TBC1D4: variants seen among roughly 807,000 people sequenced by gnomAD.
The protein encoded by TBC1D4 is TBC (Tre-2, BUB2, CDC16) domain-containing protein.
TBC1D4 carries 121 observed loss-of-function variants against 142.5 expected under a neutral mutation model. The observed-to-expected ratio is 0.85, with a 90% confidence interval of 0.73 to 0.99. The LOEUF (loss-of-function observed/expected upper bound fraction) is 0.99, where lower values mean the gene tolerates loss of function less well. Among genes scored for constraint, TBC1D4 ranks in the 50% least tolerant of loss-of-function variants. The pLI is 0.00. For missense variants in TBC1D4, 1,475 were observed against 1,606.6 expected (o/e 0.92, Z 1.40); for synonymous variants, 630 against 628.2 (o/e 1.00, Z -0.04).
intron 20 of TBC1D4, 31 bp downstream of exon 20, chr13:75,288,903 T>C: frequency 6.2e-7 from 1 of 1,609,300 alleles, no homozygotes; most frequent in African/African-American, 1.3e-5. Context: ...GGCATTGAAG[T>C]ACTTATTTGC....
chr13:75,475,608 T>G (rs529560571), intron 1 of TBC1D4, among the ~76,000 whole-genome samples: 26 of 152,370 alleles, frequency 1.7e-4, no homozygotes, highest in African/African-American at 6.3e-4. Context: ...CTGACTTGAT[T>G]CTTTTACTTA....
intron 1 of TBC1D4, among the ~76,000 whole-genome samples, chr13:75,458,790 T>C (rs1206421597): frequency 1.3e-5 from 2 of 152,138 alleles, no homozygotes; most frequent in African/African-American, 2.4e-5. Context: ...CTACTAGACA[T>C]AGGAGTTAGC....
At position 75,469,406 on chromosome 13, in the gene TBC1D4, T is replaced by C. The variant is rs537803272; in HGVS notation, c.498+11864A>G. The stretch of plus-strand genomic sequence containing the variant: ...GGAGAAGAGGTGAGAGGCAGTATGA[T>C]AGTCCCAGCAAAAGATAAGGTAGTG... On this transcript the variant is annotated intron_variant, in intron 1 of 20. Coordinates refer to ENST00000377636, the MANE Select transcript of TBC1D4 (RefSeq NM_014832.5). Among the ~76,000 whole-genome samples the C allele has an allele frequency of 2.4e-4, 37 of 152,210 alleles. 1 individual carries two copies. In the South Asian group the frequency reaches 7.5e-3, roughly 31 times the overall value.
chr13:75,306,485 C>A lies in TBC1D4; in HGVS notation c.2594-14G>T. 1.2e-6 allele frequency: 2 copies of A among 1,612,022 alleles called. No homozygotes were observed. Among genetic ancestry groups the A allele is most frequent in the African/African-American group, 1.3e-5 (1 of 74,980 alleles). On this transcript the variant is annotated splice_polypyrimidine_tract_variant and intron_variant, in intron 14 of 20. Transcript: ENST00000377636. ...CATCTCTGCTTGCTAAGGAAAAAAA[C>A]AATTTACGTAAGACCAATGTGTTTT...
intron 1 of TBC1D4, among the ~76,000 whole-genome samples, chr13:75,378,066 C>T (rs535085324): frequency 9.9e-5 from 15 of 152,138 alleles, no homozygotes; most frequent in Non-Finnish European, 2.1e-4. Context: ...AGTACTATGG[C>T]TATATGTGGC....
chr13:75,460,929 A>C (rs749879158), intron 1 of TBC1D4, among the ~76,000 whole-genome samples: 79 of 152,296 alleles, frequency 5.2e-4, no homozygotes, highest in Non-Finnish European at 6.6e-4. Context: ...CTTCAAAAAA[A>C]CAACAAAAAA....
intron 5 of TBC1D4, among the ~76,000 whole-genome samples, 158 bp from the exon 6 acceptor site, chr13:75,341,745 T>C (rs1240124893): frequency 1.3e-5 from 2 of 152,182 alleles, no homozygotes; most frequent in African/African-American, 2.4e-5. Context: ...GAATACTACA[T>C]TGAAATGATT....
intron 1 of TBC1D4, among the ~76,000 whole-genome samples, chr13:75,406,716 A>C (rs1456905344): frequency 6.6e-6 from 1 of 152,168 alleles, no homozygotes; most frequent in East Asian, 1.9e-4. Flanking sequence ...GAGAAAAGAG[A>C]GCTCAGGAAA....
intron 1 of TBC1D4, among the ~76,000 whole-genome samples, chr13:75,385,688 G>C (rs989941739): frequency 1.3e-5 from 2 of 152,136 alleles, no homozygotes; most frequent in African/African-American, 4.8e-5. Flanking sequence ...CTTACGTGCT[G>C]GGCACTGTTC....
intron 3 of TBC1D4, among the ~76,000 whole-genome samples, chr13:75,358,300 G>A (rs536566411): frequency 3.3e-5 from 5 of 152,238 alleles, no homozygotes; most frequent in African/African-American, 1.2e-4. Flanking sequence ...CAGCACTTAC[G>A]ATCTCCCAGG....
intron 18 of TBC1D4, among the ~76,000 whole-genome samples, chr13:75,293,792 T>C (rs1290384581): frequency 1.3e-5 from 2 of 152,202 alleles, no homozygotes; most frequent in African/African-American, 4.8e-5. Flanking sequence ...GGTATATATA[T>C]ACATTACACA....
At chr13:75,468,544 C>G (rs1888262936) in intron 1 of TBC1D4, among the ~76,000 whole-genome samples, 1 of 151,252 alleles carries the variant, frequency 6.6e-6, no homozygotes, top group Non-Finnish European at 1.5e-5. Context: ...AAAAAAAAAG[C>G]CCTTCTCAAA....
intron 19 of TBC1D4, among the ~76,000 whole-genome samples, chr13:75,291,262 A>ATCAG (rs1395361754): frequency 7.0e-4 from 106 of 152,224 alleles, no homozygotes; most frequent in African/African-American, 2.4e-3. Context: ...GGGGCAGGAG[A>ATCAG]AAAGGGTTGG....
Position 75,292,198 on chromosome 13 carries a change from A to G in TBC1D4, c.3390T>C (p.Leu1130=). The stretch of plus-strand genomic sequence containing the variant: ...TTTCAAAGCTCTCACATTCCATTAT[A>G]AGTGTCTCTTGGCTGCTCAGTAGGC... ...ALSLLSSQET[L]IMECESFENI... Residue 1130 remains leucine, a synonymous_variant, in exon 19 of 21, where the codon CTT becomes CTC. Coordinates refer to ENST00000377636, the MANE Select transcript of TBC1D4 (RefSeq NM_014832.5). The G allele has an allele frequency of 6.2e-7, 1 of 1,613,504 alleles. No homozygotes were observed. The highest frequency in any genetic ancestry group is 8.5e-7 in the Non-Finnish European group (1 of 1,179,666).
intron 8 of TBC1D4, among the ~76,000 whole-genome samples, chr13:75,328,664 G>T (rs545253479): frequency 4.6e-5 from 7 of 152,112 alleles, no homozygotes; most frequent in African/African-American, 1.7e-4. Context: ...AGCATGTGGC[G>T]AAGTTCTAAA....
In TBC1D4 at chr13:75,339,744, GT is replaced by G. The variant is rs552774444; in HGVS notation, c.1611+1380del. On this transcript the variant is annotated intron_variant, in intron 7 of 20. Transcript: ENST00000377636. ...GCACACACCACCACACCGGCTAATT[GT>G]TTTTGTATTTTTAGTAGAGACGGGG... 3.5e-3 allele frequency among the ~76,000 whole-genome samples: 527 copies of G among 151,660 alleles called. 5 individuals carry two copies. The highest frequency in any genetic ancestry group is 0.011 in the African/African-American group (460 of 41,366).
At chr13:75,344,488 C>T (rs960905343) in intron 5 of TBC1D4, among the ~76,000 whole-genome samples, 6 of 151,996 alleles carry the variant, frequency 3.9e-5, no homozygotes, top group Non-Finnish European at 5.9e-5. Flanking sequence ...CACTGACTGG[C>T]GAATTACTGA....
chr13:75,429,137 A>C (rs1258742861), intron 1 of TBC1D4, among the ~76,000 whole-genome samples: 1 of 152,218 alleles, frequency 6.6e-6, no homozygotes, highest in East Asian at 1.9e-4. Flanking sequence ...TAAAACCACC[A>C]AATGTATGTT....
At chr13:75,321,634 C>T (rs916326802) in intron 11 of TBC1D4, among the ~76,000 whole-genome samples, 6 of 152,156 alleles carry the variant, frequency 3.9e-5, no homozygotes, top group Non-Finnish European at 5.9e-5. Context: ...GTTGAAGTGA[C>T]TTACTAGTTC....
Sources: gnomAD v4.1 joint callset for allele counts (sites outside exome capture counted in the v4.1 genomes callset) on GRCh38, gnomAD v4.1.1 for gene constraint, MANE v1.5 for transcripts, NCBI Gene and HGNC (gene_info 2026-07-23, HGNC 2026-07-21) for gene names.